The following RGS5 variants were observed in gnomAD, a reference collection of about 807,000 sequenced individuals.
RGS5 encodes the protein regulator of G-protein signalling 5.
Under a neutral mutation model 18.9 loss-of-function variants are expected in RGS5, and 20 were observed. The ratio of observed to expected loss-of-function variants is 1.06; its 90% CI spans 0.74 to 1.54. The LOEUF (loss-of-function observed/expected upper bound fraction) is 1.54. Ranked by LOEUF, RGS5 falls within the 40% of genes most tolerant of loss-of-function variation. The probability of loss-of-function intolerance (pLI) is 0.00; values close to 1 mark genes in which losing one functional copy is unlikely to be tolerated. For missense variants in RGS5, 201 were observed against 211.8 expected, an observed-to-expected ratio of 0.95 and a Z score of 0.32; for synonymous variants, 57 against 76.2, an observed-to-expected ratio of 0.75 and a Z score of 1.31.
chr1:163,306,163 G>T (rs560722674), intron 2 of RGS5: 1 of 152,220 alleles, frequency 6.6e-6, no homozygotes, highest in East Asian at 1.9e-4. Flanking sequence ...CACAGCTTTA[G>T]AATTCACAAA....
At chr1:163,243,153 A>G (rs906912793) in intron 2 of RGS5, among the ~76,000 whole-genome samples, 1 of 152,150 alleles carries the variant, frequency 6.6e-6, no homozygotes, top group Non-Finnish European at 1.5e-5. Flanking sequence ...GACATGGATG[A>G]AGCTGGAAAC....
At chr1:163,165,564 G>A (rs1218181376) in intron 2 of RGS5, among the ~76,000 whole-genome samples, 2 of 152,178 alleles carry the variant, frequency 1.3e-5, no homozygotes, top group Admixed American at 6.5e-5. Context: ...AGAAAGAGAA[G>A]GCAGGTGGGG....
intron 1 of RGS5, among the ~76,000 whole-genome samples, chr1:163,182,384 T>C (rs4657248): frequency 0.21 from 31,642 of 152,042 alleles, 3,729 homozygotes; most frequent in African/African-American, 0.32. Context: ...TATTATCACC[T>C]CCCTGGTGCT....
chr1:163,153,820 T>C (rs1385977408), intron 3 of RGS5, among the ~76,000 whole-genome samples: 2 of 105,472 alleles, frequency 1.9e-5, no homozygotes, highest in Non-Finnish European at 4.5e-5. Flanking sequence ...ATTCAACATA[T>C]ATTACACACA....
chr1:163,260,526 T>C (rs914894947), intron 2 of RGS5: 1 of 152,032 alleles, frequency 6.6e-6, no homozygotes. Flanking sequence ...CGAGGTAGCA[T>C]AGAGATAAAA....
At chr1:163,230,819 G>A (rs188003820) in intron 2 of RGS5, among the ~76,000 whole-genome samples, 7 of 152,260 alleles carry the variant, frequency 4.6e-5, no homozygotes, top group Non-Finnish European at 8.8e-5. Context: ...TAAGACAGTT[G>A]TCTGGTTATT....
chr1:163,171,963 A>C (rs537174417), intron 1 of RGS5, among the ~76,000 whole-genome samples: 2 of 152,314 alleles, frequency 1.3e-5, no homozygotes, highest in East Asian at 3.9e-4. Flanking sequence ...ATCAGGGGGA[A>C]CTTCTCAGAG....
At chr1:163,288,302 G>A (rs1446084035) in intron 2 of RGS5, among the ~76,000 whole-genome samples, 1 of 152,038 alleles carries the variant, frequency 6.6e-6, no homozygotes, top group African/African-American at 2.4e-5. Flanking sequence ...AGAGTAGAGA[G>A]GGAAGAGTTT....
intron 1 of RGS5, among the ~76,000 whole-genome samples, chr1:163,313,682 G>A (rs1475243826): frequency 3.3e-5 from 5 of 152,122 alleles, no homozygotes; most frequent in African/African-American, 9.7e-5. Context: ...ACAGAACTGA[G>A]GAACCCTTCA....
chr1:163,251,359 T>A (rs1259138915), intron 2 of RGS5, among the ~76,000 whole-genome samples: 4 of 152,164 alleles, frequency 2.6e-5, no homozygotes, highest in African/African-American at 4.8e-5. Context: ...TAGACCTTTT[T>A]AAAATTTTTT....
At position 163,145,587 on chromosome 1, in the gene RGS5, T is replaced by C. The variant is rs563367895; in HGVS notation, c.*1755A>G. ...GAAGGAGTTTCTTTGAAGTGAGCAA[T>C]ACTGGCAAATATGAATGAATTCACA... On this transcript the variant is annotated 3_prime_UTR_variant, in exon 5 of 5. Coordinates refer to ENST00000313961, the MANE Select transcript of RGS5 (RefSeq NM_003617.4). 2 of 152,266 alleles carry C rather than the reference T, an allele frequency of 1.3e-5. No homozygotes were observed. Among genetic ancestry groups the C allele is most frequent in the East Asian group, 3.9e-4 (2 of 5,162 alleles). 9.4% of individuals were successfully genotyped at this position (152,266 alleles called of 1,614,324 possible).
At chr1:163,261,704 A>C (rs578143167) in intron 2 of RGS5, among the ~76,000 whole-genome samples, 1 of 152,332 alleles carries the variant, frequency 6.6e-6, no homozygotes, top group East Asian at 1.9e-4. Context: ...AAAACAAACC[A>C]GGATCAAGAG....
intron 1 of RGS5, among the ~76,000 whole-genome samples, chr1:163,216,945 T>C (rs998166456): frequency 6.6e-6 from 1 of 152,216 alleles, no homozygotes; most frequent in Admixed American, 6.5e-5. Context: ...GTTTTTAATG[T>C]CAGCTCAAAG....
At chr1:163,310,017 CT>C (rs1426920025) in intron 1 of RGS5, among the ~76,000 whole-genome samples, 2 of 152,142 alleles carry the variant, frequency 1.3e-5, no homozygotes, top group African/African-American at 4.8e-5. Flanking sequence ...AAATAAATCT[CT>C]TTTTTCCAGT....
chr1:163,291,916 G>A (rs762359052), intron 2 of RGS5, among the ~76,000 whole-genome samples: 19 of 152,144 alleles, frequency 1.2e-4, no homozygotes, highest in Non-Finnish European at 2.8e-4. Context: ...AATTGATTCT[G>A]TTTGTGCAGT....
chr1:163,197,584 G>A (rs1282294848), intron 1 of RGS5, among the ~76,000 whole-genome samples: 3 of 152,064 alleles, frequency 2.0e-5, no homozygotes, highest in African/African-American at 7.2e-5. Context: ...CAAGTACACA[G>A]GTTTGAAAGG....
intron 2 of RGS5, among the ~76,000 whole-genome samples, chr1:163,249,577 G>A (rs1277146435): frequency 6.6e-6 from 1 of 152,228 alleles, no homozygotes; most frequent in Non-Finnish European, 1.5e-5. Flanking sequence ...GATCACCTGA[G>A]GTCAGGAGTT....
chr1:163,306,096 T>G (rs1438278432), intron 2 of RGS5: 1 of 152,244 alleles, frequency 6.6e-6, no homozygotes, highest in African/African-American at 2.4e-5. Context: ...TTTAATCATT[T>G]CTACAATGCT....
At chr1:163,177,317 G>A (rs1658600308) in intron 1 of RGS5, among the ~76,000 whole-genome samples, 1 of 152,178 alleles carries the variant, frequency 6.6e-6, no homozygotes, top group South Asian at 2.1e-4. Flanking sequence ...TAGAATCCCA[G>A]CTTAGAATAT....
Sources: gnomAD v4.1 joint callset for allele counts (sites outside exome capture counted in the v4.1 genomes callset) on GRCh38, gnomAD v4.1.1 for gene constraint, MANE v1.5 for transcripts, NCBI Gene and HGNC (gene_info 2026-07-23, HGNC 2026-07-21) for gene names.